CRK: variants seen among roughly 807,000 people sequenced by gnomAD.
The protein encoded by CRK is adapter molecule crk.
CRK carries 4 observed loss-of-function variants against 29.8 expected under a neutral mutation model. The observed-to-expected ratio is 0.13, with a 90% CI of 0.07 to 0.31. The LOEUF (loss-of-function observed/expected upper bound fraction) is 0.31. Ranked by LOEUF, CRK falls within the 10% of genes least tolerant of loss-of-function variation. The probability of loss-of-function intolerance (pLI) is 1.00; values close to 1 mark genes in which losing one functional copy is unlikely to be tolerated. For missense variants in CRK, 274 were observed against 396.5 expected (o/e 0.69, Z 2.62); for synonymous variants, 153 against 164.9 (o/e 0.93, Z 0.55).
chr17:1,452,819 A>C (rs576765003), intron 1 of CRK, among the ~76,000 whole-genome samples: 31 of 152,032 alleles, frequency 2.0e-4, no homozygotes, highest in Middle Eastern at 3.5e-3. Flanking sequence ...AAAAGACAGC[A>C]ACTGACCAGG....
intron 2 of CRK, among the ~76,000 whole-genome samples, chr17:1,429,455 G>C (rs1000510504): frequency 6.6e-6 from 1 of 151,932 alleles, no homozygotes; most frequent in African/African-American, 2.4e-5. Context: ...TGTATTTTTA[G>C]TGGAGACCAG....
intron 2 of CRK, among the ~76,000 whole-genome samples, chr17:1,430,515 T>C (rs190525736): frequency 0.013 from 1,957 of 148,478 alleles, 51 homozygotes; most frequent in African/African-American, 0.042. Context: ...CGCCACCACG[T>C]CCGGCTAATT....
chr17:1,425,215 T>A (rs28635042), intron 2 of CRK, among the ~76,000 whole-genome samples: 1 of 151,480 alleles, frequency 6.6e-6, no homozygotes, highest in Non-Finnish European at 1.5e-5. Context: ...TCAGCCTCCC[T>A]AGTAGCTGGG....
intron 2 of CRK, among the ~76,000 whole-genome samples, chr17:1,435,303 C>G (rs907240800): frequency 1.3e-5 from 2 of 152,080 alleles, no homozygotes; most frequent in Admixed American, 1.3e-4. Flanking sequence ...CTGCCCACCT[C>G]GGCCTCCCAA....
intron 1 of CRK, among the ~76,000 whole-genome samples, chr17:1,448,631 AAAAAAAAAAAAG>A (rs1426964563): frequency 2.1e-5 from 3 of 145,236 alleles, no homozygotes; most frequent in African/African-American, 7.7e-5. Flanking sequence ...AAAAAAAAAA[AAAAAAAAAAAAG>A]AAAAAGTGGC....
At chr17:1,450,804 T>C (rs1384186815) in intron 1 of CRK, among the ~76,000 whole-genome samples, 1 of 151,846 alleles carries the variant, frequency 6.6e-6, no homozygotes, top group Non-Finnish European at 1.5e-5. Context: ...GAGAACTGCT[T>C]GAACCCAGGA....
At chr17:1,443,912 G>T (rs1345865943) in intron 1 of CRK, among the ~76,000 whole-genome samples, 1 of 150,714 alleles carries the variant, frequency 6.6e-6, no homozygotes. Context: ...ATATTGGCCA[G>T]GCTGGTCTTG....
At chr17:1,430,645 G>T (rs1268966020) in intron 2 of CRK, among the ~76,000 whole-genome samples, 1 of 151,230 alleles carries the variant, frequency 6.6e-6, no homozygotes, top group African/African-American at 2.4e-5. Flanking sequence ...GATTACAGGC[G>T]TGAGCCACCA....
chr17:1,443,781 C>A (rs1186074386), intron 1 of CRK, among the ~76,000 whole-genome samples: 1 of 147,470 alleles, frequency 6.8e-6, no homozygotes, highest in Non-Finnish European at 1.5e-5. Context: ...CTCAATGCAA[C>A]CTCTGCCTCC....
At position 1,423,285 on chromosome 17, in the gene CRK, G is replaced by A. The variant is rs2073745514; in HGVS notation, c.*228C>T. The stretch of plus-strand genomic sequence containing the variant: ...GATACACACAGGCACGACCACTACC[G>A]CCTCCAATTGCCAATTCAGAAGCTA... On this transcript the variant is annotated 3_prime_UTR_variant, in exon 3 of 3. Transcript: ENST00000300574. 13 of 580,570 alleles carry A rather than the reference G, an allele frequency of 2.2e-5. No individual in the cohort carries two copies. The highest frequency in any genetic ancestry group is 1.9e-4 in the South Asian group (8 of 42,742). 36.0% of individuals were successfully genotyped at this position (580,570 alleles called of 1,614,324 possible). A position where few individuals can be genotyped will look rare whatever the true frequency, so the allele number is the denominator to read the frequency against.
rs1458508657 is a variant in CRK, at chr17:1,423,230, G to A, written c.*283C>T. ...CCACAGGGTGATTTGCACTGCCTGA[G>A]AGAAAGGAGGCAAGATACCTATCCC... On this transcript the variant is annotated 3_prime_UTR_variant, in exon 3 of 3. Coordinates refer to ENST00000300574, the MANE Select transcript of CRK (RefSeq NM_016823.4). The A allele has an allele frequency of 7.9e-6, 4 of 505,886 alleles. No homozygotes were observed. In the East Asian group the frequency reaches 9.6e-5, roughly 12 times the overall value. 31.3% of individuals were successfully genotyped at this position (505,886 alleles called of 1,614,324 possible). A position where few individuals can be genotyped will look rare whatever the true frequency, so the allele number is the denominator to read the frequency against.
At chr17:1,435,484 A>C (rs2073880077) in intron 2 of CRK, among the ~76,000 whole-genome samples, 1 of 151,928 alleles carries the variant, frequency 6.6e-6, no homozygotes, top group Non-Finnish European at 1.5e-5. Flanking sequence ...AAAAAAGAAA[A>C]TAAAAAGGAG....
chr17:1,450,055 A>G (rs1382807990), intron 1 of CRK, among the ~76,000 whole-genome samples: 1 of 152,088 alleles, frequency 6.6e-6, no homozygotes, highest in Non-Finnish European at 1.5e-5. Flanking sequence ...CAAAAAAATT[A>G]GCTGGGAGTG....
intron 1 of CRK, among the ~76,000 whole-genome samples, chr17:1,451,425 T>C (rs1163023539): frequency 1.3e-5 from 2 of 151,436 alleles, no homozygotes; most frequent in African/African-American, 4.8e-5. Context: ...AGAAACAAGG[T>C]TTCACCATGT....
chr17:1,437,187 G>A (rs1026873856), intron 1 of CRK, 32 bp from the exon 2 acceptor site: 6 of 1,550,746 alleles, frequency 3.9e-6, no homozygotes, highest in Non-Finnish European at 5.2e-6. Context: ...GTTATTTAAT[G>A]ATGTACTACA....
At chr17:1,442,606 C>CTTTTTTTT (rs33970272) in intron 1 of CRK, among the ~76,000 whole-genome samples, 1 of 121,126 alleles carries the variant, frequency 8.3e-6, no homozygotes, top group African/African-American at 3.1e-5. Flanking sequence ...GTGAAAGGGT[C>CTTTTTTTT]TTTTTTTTTT....
At position 1,423,460 on chromosome 17, in the gene CRK, GAA is replaced by G. The variant is rs76288901; in HGVS notation, c.*51_*52del. On this transcript the variant is annotated 3_prime_UTR_variant, in exon 3 of 3. Transcript: ENST00000300574. Reference sequence around the variant, plus strand: ...AAGAAAATTGTATAGATGGCAGTTGGAAAAAAAAAAAAAAGATTGTTCCCATC... The same window carrying G: ...AAGAAAATTGTATAGATGGCAGTTGGAAAAAAAAAAAAGATTGTTCCCATC... 1.5e-3 allele frequency: 1,898 copies of G among 1,260,408 alleles called. No individual in the cohort carries two copies. The highest frequency in any genetic ancestry group is 3.8e-3 in the Admixed American group (161 of 42,194). The allele number at this position is 1,260,408 out of a possible 1,614,324, so 78.1% of individuals were successfully genotyped here.
At chr17:1,440,184 A>C (rs1330877225) in intron 1 of CRK, among the ~76,000 whole-genome samples, 1 of 152,040 alleles carries the variant, frequency 6.6e-6, no homozygotes, top group Non-Finnish European at 1.5e-5. Context: ...CTGTAGTCCC[A>C]GCTGCTAGGG....
Position 1,455,792 on chromosome 17 carries a change from G to A in CRK, c.241+85C>T, listed in dbSNP as rs1445551581. On this transcript the variant is annotated intron_variant, in intron 1 of 2. Coordinates refer to ENST00000300574, the MANE Select transcript of CRK (RefSeq NM_016823.4). The stretch of plus-strand genomic sequence containing the variant: ...AGCCCTCTGCCCACGACCCCCGAGG[G>A]TCCGCTCTCGAGGACCAGCCAGCCA... The A allele has an allele frequency of 2.7e-5, 37 of 1,391,320 alleles. 1 individual carries two copies. In the South Asian group the frequency reaches 4.1e-4, roughly 16 times the overall value. The allele number at this position is 1,391,320 out of a possible 1,614,324, so 86.2% of individuals were successfully genotyped here.
Sources: gnomAD v4.1 joint callset for allele counts (sites outside exome capture counted in the v4.1 genomes callset) on GRCh38, gnomAD v4.1.1 for gene constraint, MANE v1.5 for transcripts, NCBI Gene and HGNC (gene_info 2026-07-23, HGNC 2026-07-21) for gene names.